Variants in INSYN2B observed in about 807,000 individuals in gnomAD.
INSYN2B encodes protein INSYN2B.
A neutral mutation model predicts 41.2 loss-of-function variants in INSYN2B; 16 were observed. The observed-to-expected ratio is 0.39, with a 90% CI of 0.26 to 0.59. The LOEUF (loss-of-function observed/expected upper bound fraction) is 0.59. Among genes scored for constraint, INSYN2B ranks in the 20% least tolerant of loss-of-function variants. The pLI is 0.57. For synonymous variants in INSYN2B, 245 were observed against 244.4 expected, an observed-to-expected ratio of 1.00 and a Z score of -0.02; for missense variants, 608 against 646.4, an observed-to-expected ratio of 0.94 and a Z score of 0.64.
At position 169,890,809 on chromosome 5, in the gene INSYN2B, T is replaced by C. The variant is rs190843653; in HGVS notation, c.-918-5993A>G. 2.6e-5 allele frequency among the ~76,000 whole-genome samples: 4 copies of C among 152,308 alleles called. No individual in the cohort carries two copies. The East Asian group carries it at 7.7e-4, about 29-fold the overall frequency. ...ATGTTTGACTTTTTTGCACAAATTCTGGTATTCACACCCAGGTCTCCATCA... is the reference window on the plus strand; with the variant it reads ...ATGTTTGACTTTTTTGCACAAATTCCGGTATTCACACCCAGGTCTCCATCA... On this transcript the variant is annotated intron_variant, in intron 1 of 3. Transcript: ENST00000377365.
intron 1 of INSYN2B, among the ~76,000 whole-genome samples, chr5:169,933,217 T>A (rs2113687220): frequency 6.6e-6 from 1 of 152,334 alleles, no homozygotes; most frequent in East Asian, 1.9e-4. Flanking sequence ...ACCATGGAAA[T>A]CAGGTTCTGT....
Position 169,901,676 on chromosome 5 carries a change from G to C in INSYN2B, c.-918-16860C>G, listed in dbSNP as rs1166092969. ...GAGTATTACATTAGTTAGAGTTGAA[G>C]TGTGAGGCGGAAAGATGTAGAGAAA... On this transcript the variant is annotated intron_variant, in intron 1 of 3. Coordinates refer to ENST00000377365, the MANE Select transcript of INSYN2B (RefSeq NM_001129891.3). 2.6e-5 allele frequency among the ~76,000 whole-genome samples: 4 copies of C among 152,296 alleles called. No individual in the cohort carries two copies. The East Asian group carries it at 7.7e-4, about 29-fold the overall frequency.
chr5:169,944,080 C>G (rs774387855), intron 1 of INSYN2B, among the ~76,000 whole-genome samples: 2 of 152,170 alleles, frequency 1.3e-5, no homozygotes, highest in African/African-American at 2.4e-5. Context: ...GGGGTAAGCA[C>G]TTTACCTGGA....
intron 1 of INSYN2B, among the ~76,000 whole-genome samples, chr5:169,918,237 G>A (rs1774980992): frequency 1.3e-5 from 2 of 152,290 alleles, no homozygotes; most frequent in African/African-American, 4.8e-5. Context: ...GTCTAGGACA[G>A]TCCCAGTTTA....
At chr5:169,953,517 G>A (rs1776750186) in intron 1 of INSYN2B, among the ~76,000 whole-genome samples, 1 of 152,122 alleles carries the variant, frequency 6.6e-6, no homozygotes, top group Non-Finnish European at 1.5e-5. Flanking sequence ...ATTAAGTCCT[G>A]TATAAAATGC....
chr5:169,925,578 T>TAAAAAAAAAAAAAAA (rs1561828965), intron 1 of INSYN2B, among the ~76,000 whole-genome samples: 2 of 32,324 alleles, frequency 6.2e-5, no homozygotes, highest in African/African-American at 1.3e-4. Context: ...AGACTCTGTC[T>TAAAAAAAAAAAAAAA]TAAAAAAAAA....
intron 1 of INSYN2B, among the ~76,000 whole-genome samples, chr5:169,892,486 G>A (rs971730511): frequency 9.9e-5 from 15 of 152,194 alleles, no homozygotes; most frequent in African/African-American, 3.6e-4. Context: ...AAAGGTTGAG[G>A]GCCATGGCCC....
intron 1 of INSYN2B, among the ~76,000 whole-genome samples, chr5:169,938,133 T>C (rs1249230876): frequency 6.6e-6 from 1 of 152,170 alleles, no homozygotes; most frequent in Non-Finnish European, 1.5e-5. Context: ...GACAAAATGC[T>C]CCCTGCCTCT....
chr5:169,956,039 G>GAAAAAA (rs577395351), intron 1 of INSYN2B, among the ~76,000 whole-genome samples: 2 of 132,908 alleles, frequency 1.5e-5, no homozygotes, highest in East Asian at 4.3e-4. Context: ...ACATAGATTT[G>GAAAAAA]AAAAAAAAAA....
chr5:169,900,272 C>T (rs994606382), intron 1 of INSYN2B, among the ~76,000 whole-genome samples: 15 of 152,184 alleles, frequency 9.9e-5, no homozygotes, highest in African/African-American at 3.4e-4. Context: ...ACAACCCTAA[C>T]CTGTTGTCCC....
intron 1 of INSYN2B, among the ~76,000 whole-genome samples, chr5:169,919,410 T>C (rs1254535542): frequency 6.6e-6 from 1 of 152,212 alleles, no homozygotes; most frequent in Non-Finnish European, 1.5e-5. Flanking sequence ...TTCACACTCA[T>C]CAAATTTTAC....
intron 1 of INSYN2B, among the ~76,000 whole-genome samples, chr5:169,900,568 C>T (rs1773865857): frequency 6.6e-6 from 1 of 152,174 alleles, no homozygotes; most frequent in African/African-American, 2.4e-5. Flanking sequence ...ACAAAGCAAA[C>T]CTAAATGTCG....
At chr5:169,941,051 G>T (rs1317129363) in intron 1 of INSYN2B, among the ~76,000 whole-genome samples, 2 of 152,168 alleles carry the variant, frequency 1.3e-5, no homozygotes, top group African/African-American at 4.8e-5. Flanking sequence ...TGCTTCAGTG[G>T]GGTAGGCAGA....
At chr5:169,927,539 T>G (rs1662271450) in intron 1 of INSYN2B, among the ~76,000 whole-genome samples, 1 of 151,898 alleles carries the variant, frequency 6.6e-6, no homozygotes, top group Non-Finnish European at 1.5e-5. Flanking sequence ...ACTGATGGAG[T>G]GTAGGGTTAA....
intron 1 of INSYN2B, among the ~76,000 whole-genome samples, chr5:169,938,910 CTT>C (rs60068204): frequency 7.1e-6 from 1 of 141,214 alleles, no homozygotes; most frequent in African/African-American, 2.6e-5. Context: ...TTTTTCTTTT[CTT>C]TTTTTTTTTG....
chr5:169,932,849 A>G (rs889921227), intron 1 of INSYN2B, among the ~76,000 whole-genome samples: 14 of 150,922 alleles, frequency 9.3e-5, no homozygotes, highest in South Asian at 4.2e-4. Context: ...TGATATCATA[A>G]TTTCCCAGGG....
At chr5:169,925,318 C>T (rs998038461) in intron 1 of INSYN2B, among the ~76,000 whole-genome samples, 3 of 152,090 alleles carry the variant, frequency 2.0e-5, no homozygotes, top group East Asian at 1.9e-4. Context: ...CAGATGGGTC[C>T]TGGTAAGAGC....
chr5:169,942,139 A>G (rs924521772), intron 1 of INSYN2B, among the ~76,000 whole-genome samples: 2 of 152,238 alleles, frequency 1.3e-5, no homozygotes, highest in African/African-American at 4.8e-5. Flanking sequence ...AGATTCTCTC[A>G]TTAAGATGTT....
intron 3 of INSYN2B, among the ~76,000 whole-genome samples, chr5:169,874,985 A>G (rs764006153): frequency 3.9e-5 from 6 of 151,976 alleles, no homozygotes; most frequent in Non-Finnish European, 8.8e-5. Context: ...TACCCAACAT[A>G]TATAATTAGG....
Sources: allele counts gnomAD v4.1 joint callset (sites outside exome capture counted in the v4.1 genomes callset), GRCh38; gene constraint gnomAD v4.1.1; transcripts MANE v1.5; gene names NCBI Gene and HGNC (gene_info 2026-07-23, HGNC 2026-07-21).